PHACTR3: variants seen among roughly 807,000 people sequenced by gnomAD.
PHACTR3 encodes the protein protein phosphatase 1, regulatory subunit 123.
A neutral mutation model predicts 66.8 loss-of-function variants in PHACTR3; 16 were observed. That is an observed-to-expected ratio of 0.24 (90% CI 0.16 to 0.36). The LOEUF is 0.36. Among genes scored for constraint, PHACTR3 ranks in the 10% least tolerant of loss-of-function variants. PHACTR3 has a pLI of 1.00. For missense variants in PHACTR3, 647 were observed against 719.9 expected, an observed-to-expected ratio of 0.90 and a Z score of 1.16; for synonymous variants, 323 against 292.1, an observed-to-expected ratio of 1.11 and a Z score of -1.08.
chr20:59,779,122 A>G, intron 7 of PHACTR3, among the ~76,000 whole-genome samples: 1 of 152,190 alleles, frequency 6.6e-6, no homozygotes, highest in East Asian at 1.9e-4. Flanking sequence ...ACAAACTGGC[A>G]GGTATGTCTG....
intron 1 of PHACTR3, among the ~76,000 whole-genome samples, chr20:59,715,291 A>G (rs2038054416): frequency 6.6e-6 from 1 of 152,152 alleles, no homozygotes; most frequent in Admixed American, 6.5e-5. Flanking sequence ...AAATTAAAGA[A>G]ATTTCCTTTT....
In PHACTR3 at chr20:59,752,718, C is replaced by T. The variant is rs535439313; in HGVS notation, c.359-2464C>T. ...GCAGTTGTGATGATTTTGATGATGA[C>T]GATGGAGGCATCCTTATTATTAACA... On this transcript the variant is annotated intron_variant, in intron 3 of 12. Transcript: ENST00000371015. Among the ~76,000 whole-genome samples, 11 of 152,274 alleles carry T rather than the reference C, an allele frequency of 7.2e-5. No homozygotes were observed. The South Asian group carries it at 1.7e-3, about 23-fold the overall frequency.
chr20:59,699,530 C>T (rs549948082), intron 1 of PHACTR3, among the ~76,000 whole-genome samples: 1 of 152,270 alleles, frequency 6.6e-6, no homozygotes, highest in African/African-American at 2.4e-5. Context: ...GGTTTTCTTT[C>T]TACCCCCTTT....
chr20:59,628,955 C>A, intron 1 of PHACTR3: 1 of 352,352 alleles, frequency 2.8e-6, no homozygotes, highest in Non-Finnish European at 4.0e-6. Flanking sequence ...CACTGGTTGG[C>A]ACCAGGAGGT....
At chr20:59,770,873 C>G (rs1416921092) in intron 5 of PHACTR3, among the ~76,000 whole-genome samples, 2 of 152,210 alleles carry the variant, frequency 1.3e-5, no homozygotes, top group African/African-American at 4.8e-5. Context: ...TGGTAACGCT[C>G]AACTCTGCGG....
At chr20:59,697,476 T>C (rs2037341389) in intron 1 of PHACTR3, among the ~76,000 whole-genome samples, 1 of 152,156 alleles carries the variant, frequency 6.6e-6, no homozygotes, top group South Asian at 2.1e-4. Context: ...TGAGGGGGCT[T>C]TGGAAGCCAG....
At chr20:59,816,416 C>T (rs546362654) in intron 8 of PHACTR3, among the ~76,000 whole-genome samples, 1 of 152,308 alleles carries the variant, frequency 6.6e-6, no homozygotes, top group Non-Finnish European at 1.5e-5. Flanking sequence ...ACAGTATTTC[C>T]TTCCTGTGTG....
upstream of PHACTR3, chr20:59,603,763 C>A (rs1352312554): frequency 6.6e-6 from 1 of 152,548 alleles, no homozygotes. Flanking sequence ...AATGCCTCCT[C>A]CTCTGGGCAC....
intron 1 of PHACTR3, among the ~76,000 whole-genome samples, chr20:59,659,900 G>A (rs775140088): frequency 1.3e-5 from 2 of 152,172 alleles, no homozygotes; most frequent in Non-Finnish European, 2.9e-5. Flanking sequence ...TTGTTTTCTA[G>A]TCCCACTGGA....
In PHACTR3 at chr20:59,582,678, TTTC is replaced by T. The variant is rs749956417; in HGVS notation, c.109+5064_109+5066del. On this transcript the variant is annotated intron_variant, in intron 1 of 12. Transcript: ENST00000359926. ...GCATTGCCTTGATTGCTTGAGAGTT[TTTC>T]TTATGTGACTTGGCCATTTGGATTT... Among the ~76,000 whole-genome samples, 7 of 152,300 alleles carry T rather than the reference TTTC, an allele frequency of 4.6e-5. 1 individual carries two copies. In the East Asian group the frequency reaches 7.7e-4, roughly 17 times the overall value.
At chr20:59,705,478 G>A (rs145705653) in intron 1 of PHACTR3, among the ~76,000 whole-genome samples, 2 of 152,246 alleles carry the variant, frequency 1.3e-5, no homozygotes, top group East Asian at 3.9e-4. Context: ...AACCTTAAAA[G>A]AGTGATTCAT....
chr20:59,675,567 C>T (rs189259759), intron 1 of PHACTR3, among the ~76,000 whole-genome samples: 1 of 152,334 alleles, frequency 6.6e-6, no homozygotes. Flanking sequence ...GAGTAGGGGT[C>T]CTGGTTCAGA....
chr20:59,764,857 C>A (rs2040128053), intron 4 of PHACTR3, among the ~76,000 whole-genome samples: 1 of 152,192 alleles, frequency 6.6e-6, no homozygotes, highest in African/African-American at 2.4e-5. Flanking sequence ...GGGACCCCCC[C>A]AGGAAGAAAC....
intron 1 of PHACTR3, among the ~76,000 whole-genome samples, chr20:59,714,105 G>A (rs2038006159): frequency 6.6e-6 from 1 of 152,036 alleles, no homozygotes; most frequent in Non-Finnish European, 1.5e-5. Context: ...TGAATTCTAG[G>A]AATTTAAAAA....
chr20:59,592,021 G>A (rs961575544), intron 1 of PHACTR3, among the ~76,000 whole-genome samples: 3 of 152,164 alleles, frequency 2.0e-5, no homozygotes, highest in South Asian at 2.1e-4. Context: ...TAAAACTTTT[G>A]TGCACGGCTT....
Position 59,811,223 on chromosome 20 carries a change from C to G in PHACTR3, c.1328+5029C>G, listed in dbSNP as rs11905826. On this transcript the variant is annotated intron_variant, in intron 8 of 12. Coordinates refer to ENST00000371015, the MANE Select transcript of PHACTR3 (RefSeq NM_080672.5). ...GGGCCTGGGAGAAGCATTCTAGACACGAAAGCACTGTGGCTCCTTGTTTAT... is the reference window on the plus strand; with the variant it reads ...GGGCCTGGGAGAAGCATTCTAGACAGGAAAGCACTGTGGCTCCTTGTTTAT... Among the ~76,000 whole-genome samples the G allele has an allele frequency of 4.7e-3, 710 of 152,340 alleles. 5 individuals carry two copies. The highest frequency in any genetic ancestry group is 0.016 in the African/African-American group (682 of 41,576).
chr20:59,844,701 GAA>G (rs1423284984), intron 11 of PHACTR3: 1 of 152,102 alleles, frequency 6.6e-6, no homozygotes, highest in African/African-American at 2.4e-5. Flanking sequence ...TTTGGGGAGA[GAA>G]AGAGAGGTTG....
intron 8 of PHACTR3, among the ~76,000 whole-genome samples, chr20:59,827,564 C>G (rs1451281899): frequency 6.6e-6 from 1 of 152,282 alleles, no homozygotes; most frequent in South Asian, 2.1e-4. Flanking sequence ...TCAGTCTCAC[C>G]AGGTGAGACC....
At chr20:59,763,536 C>T (rs907931462) in intron 4 of PHACTR3, among the ~76,000 whole-genome samples, 2 of 152,120 alleles carry the variant, frequency 1.3e-5, no homozygotes, top group African/African-American at 4.8e-5. Flanking sequence ...TTGTGGGGAC[C>T]AAGATTCAAG....
Sources: gnomAD v4.1 joint callset for allele counts (sites outside exome capture counted in the v4.1 genomes callset) on GRCh38, gnomAD v4.1.1 for gene constraint, MANE v1.5 for transcripts, NCBI Gene and HGNC (gene_info 2026-07-23, HGNC 2026-07-21) for gene names.